TIAM1: variants seen among roughly 807,000 people sequenced by gnomAD.
The protein encoded by TIAM1 is TIAM Rac1 associated GEF 1, also known as rho guanine nucleotide exchange factor TIAM1.
Under a neutral mutation model 163.5 loss-of-function variants are expected in TIAM1, and 65 were observed. The ratio of observed to expected loss-of-function variants is 0.40; its 90% CI spans 0.33 to 0.49. TIAM1 has a LOEUF of 0.49. Ranked by LOEUF, TIAM1 falls within the 20% of genes least tolerant of loss-of-function variation. The pLI is 0.77. For synonymous variants in TIAM1, 833 were observed against 810.1 expected, an observed-to-expected ratio of 1.03 and a Z score of -0.48; for missense variants, 1,789 against 2,044.7, an observed-to-expected ratio of 0.87 and a Z score of 2.41.
At chr21:31,125,570 A>ATTTTC (rs2082165781) in intron 26 of TIAM1, among the ~76,000 whole-genome samples, 1 of 152,006 alleles carries the variant, frequency 6.6e-6, no homozygotes, top group Non-Finnish European at 1.5e-5. Context: ...CCCACCATTT[A>ATTTTC]TTTTCTTTTT....
At chr21:31,290,646 C>CA (rs200030849) in intron 2 of TIAM1, among the ~76,000 whole-genome samples, 2,137 of 63,008 alleles carry the variant, frequency 0.034, 100 homozygotes, top group Non-Finnish European at 0.046. Flanking sequence ...GACTCTATCT[C>CA]AAAAAAAAAA....
At chr21:31,454,922 A>G (rs1053606168) in intron 2 of TIAM1, among the ~76,000 whole-genome samples, 4 of 152,046 alleles carry the variant, frequency 2.6e-5, no homozygotes, top group Non-Finnish European at 5.9e-5. Context: ...CCTGGTGTCC[A>G]CTAAAAGAAA....
At chr21:31,152,574 C>A in intron 19 of TIAM1, 62 bp downstream of exon 19, 1 of 1,597,598 alleles carries the variant, frequency 6.3e-7, no homozygotes, top group South Asian at 1.1e-5. Context: ...TCAACACGAT[C>A]AGGGGATTCA....
At chr21:31,453,213 T>C (rs1176761028) in intron 2 of TIAM1, 7 of 264,194 alleles carry the variant, frequency 2.6e-5, no homozygotes, top group African/African-American at 4.6e-5. Context: ...AGGAAGAGAA[T>C]GTCTAAATAA....
intron 8 of TIAM1, among the ~76,000 whole-genome samples, chr21:31,217,923 T>C (rs149608088): frequency 6.6e-6 from 1 of 152,332 alleles, no homozygotes; most frequent in South Asian, 2.1e-4. Flanking sequence ...AATTCAATCC[T>C]TGTTTGAAAT....
At chr21:31,507,923 C>A (rs576537697) in intron 1 of TIAM1, among the ~76,000 whole-genome samples, 1 of 152,186 alleles carries the variant, frequency 6.6e-6, no homozygotes, top group African/African-American at 2.4e-5. Context: ...TGTGACCCAA[C>A]TGGAAATAGG....
intron 2 of TIAM1, among the ~76,000 whole-genome samples, chr21:31,332,954 C>T (rs949666435): frequency 2.0e-5 from 3 of 152,060 alleles, no homozygotes; most frequent in Admixed American, 2.0e-4. Flanking sequence ...ACTAAATAAA[C>T]CAGGCATGGT....
intron 2 of TIAM1, among the ~76,000 whole-genome samples, chr21:31,385,733 T>A (rs1195403717): frequency 4.1e-5 from 6 of 144,652 alleles, no homozygotes; most frequent in African/African-American, 1.6e-4. Context: ...AAAAAAAAAA[T>A]GTACCCTACA....
In TIAM1 at chr21:31,210,153, G is replaced by A; in HGVS notation, c.2280C>T (p.Val760=). The A allele has an allele frequency of 6.2e-7, 1 of 1,614,156 alleles. No individual in the cohort carries two copies. Among genetic ancestry groups the A allele is most frequent in the Non-Finnish European group, 8.5e-7 (1 of 1,180,028 alleles). ...HQHNPDCDIW[V]HEYFTPSWFC... ...ACCAGGATGGAGTGAAATACTCGTG[G>A]ACCCAAATGTCGCAGTCAGGGTTGT... Residue 760 remains valine, a synonymous_variant, in exon 11 of 28, where the codon GTC becomes GTT. Coordinates refer to ENST00000541036, the MANE Select transcript of TIAM1 (RefSeq NM_001353694.2).
chr21:31,536,693 C>T (rs113266673), intron 1 of TIAM1, among the ~76,000 whole-genome samples: 25 of 152,198 alleles, frequency 1.6e-4, no homozygotes, highest in Non-Finnish European at 1.8e-4. Context: ...TGAGGAGAAA[C>T]GGGTGGAACA....
intron 7 of TIAM1, 70 bp downstream of exon 7, chr21:31,225,656 C>CA (rs11373053): frequency 0.2 from 208,729 of 1,049,890 alleles, 1,544 homozygotes; most frequent in East Asian, 0.34. Context: ...TCCAAAACAG[C>CA]AAAAAAAAAA....
At chr21:31,551,997 C>T (rs866481215) in intron 1 of TIAM1, among the ~76,000 whole-genome samples, 21 of 150,354 alleles carry the variant, frequency 1.4e-4, no homozygotes, top group African/African-American at 4.7e-4. Flanking sequence ...TCAAGAGAAG[C>T]GCATCTGTTC....
At chr21:31,424,537 T>G (rs2043713834) in intron 2 of TIAM1, among the ~76,000 whole-genome samples, 1 of 152,186 alleles carries the variant, frequency 6.6e-6, no homozygotes, top group Admixed American at 6.5e-5. Flanking sequence ...ATAAACCAGT[T>G]GCAAAAAGAG....
chr21:31,434,051 G>A (rs1007476337), intron 2 of TIAM1, among the ~76,000 whole-genome samples: 1 of 151,860 alleles, frequency 6.6e-6, no homozygotes, highest in Non-Finnish European at 1.5e-5. Context: ...ACCCACCTCG[G>A]CCTCCCAAAG....
Position 31,437,830 on chromosome 21 carries a change from A to G in TIAM1, c.-369+26153T>C, listed in dbSNP as rs896486228. 3.3e-5 allele frequency among the ~76,000 whole-genome samples: 5 copies of G among 152,300 alleles called. No homozygotes were observed. In the East Asian group the frequency reaches 7.7e-4, roughly 24 times the overall value. On this transcript the variant is annotated intron_variant, in intron 2 of 28. Coordinates refer to the TIAM1 transcript ENST00000286827. The stretch of plus-strand genomic sequence containing the variant: ...TGCTTCCAGTATAGCCTGGAGCACC[A>G]TAAGCCAATTAAACCTCTTCTCTTT...
At chr21:31,212,422 C>T (rs2086929248) in intron 10 of TIAM1, among the ~76,000 whole-genome samples, 1 of 151,648 alleles carries the variant, frequency 6.6e-6, no homozygotes, top group Non-Finnish European at 1.5e-5. Context: ...CATCCCCCAT[C>T]CCCCACACAA....
chr21:31,315,978 A>G (rs2075111592), intron 2 of TIAM1, among the ~76,000 whole-genome samples: 1 of 152,216 alleles, frequency 6.6e-6, no homozygotes, highest in African/African-American at 2.4e-5. Context: ...CTCGGTCTCA[A>G]AAAATAAACC....
At chr21:31,456,763 T>C (rs1602325315) in intron 2 of TIAM1, among the ~76,000 whole-genome samples, 1 of 152,146 alleles carries the variant, frequency 6.6e-6, no homozygotes, top group Non-Finnish European at 1.5e-5. Context: ...CTATCATCCA[T>C]TAATACCTCA....
chr21:31,173,678 T>C (rs1446389943), intron 15 of TIAM1, among the ~76,000 whole-genome samples: 2 of 152,196 alleles, frequency 1.3e-5, no homozygotes, highest in African/African-American at 2.4e-5. Context: ...TAAAATTCCA[T>C]TAAAACTGTA....
Sources: gnomAD v4.1 joint callset for allele counts (sites outside exome capture counted in the v4.1 genomes callset) on GRCh38, gnomAD v4.1.1 for gene constraint, MANE v1.5 for transcripts, NCBI Gene and HGNC (gene_info 2026-07-23, HGNC 2026-07-21) for gene names.